RBM38: variants seen among roughly 807,000 people sequenced by gnomAD.
RBM38 encodes RNA binding motif protein 38, also known as RNA-binding protein 38.
Under a neutral mutation model 23.5 loss-of-function variants are expected in RBM38, and 11 were observed. The ratio of observed to expected loss-of-function variants is 0.47; its 90% CI spans 0.29 to 0.77. The LOEUF (loss-of-function observed/expected upper bound fraction) is 0.77. RBM38 is among the 30% of genes least tolerant of loss of function. The pLI, the probability that RBM38 is intolerant of heterozygous loss-of-function variation, is 0.08. For synonymous variants in RBM38, 165 were observed against 166.1 expected (o/e 0.99, Z 0.05); for missense variants, 330 against 351.9 (o/e 0.94, Z 0.50).
At chr20:57,395,280 A>G (rs936897934) in intron 3 of RBM38, among the ~76,000 whole-genome samples, 27 of 150,780 alleles carry the variant, frequency 1.8e-4, no homozygotes, top group African/African-American at 6.1e-4. Flanking sequence ...GACGTCCGGG[A>G]GGAGATTGGA....
At chr20:57,392,296 G>T in intron 1 of RBM38, 1 of 658,384 alleles carries the variant, frequency 1.5e-6, no homozygotes, top group Non-Finnish European at 2.4e-6. Context: ...GCATAGCGTC[G>T]CAAACTCCTT....
At chr20:57,396,933 C>A (rs974877159) in intron 3 of RBM38, among the ~76,000 whole-genome samples, 1 of 152,210 alleles carries the variant, frequency 6.6e-6, no homozygotes, top group Non-Finnish European at 1.5e-5. Context: ...TTCACAGAGG[C>A]CACAACAGGC....
rs2067395150 is a variant in RBM38, at chr20:57,407,273, G to C, written c.417-270G>C. ...TGCACCAGCTCCGGGGATGTGGGGT[G>C]TAGGGCTGGGATGCGGGGGTGCAGT... On this transcript the variant is annotated intron_variant, in intron 3 of 3. Coordinates refer to ENST00000356208, the MANE Select transcript of RBM38 (RefSeq NM_017495.6). This position sits in a 1 kb window ranked among gnomAD's most constrained non-coding sequence, Gnocchi z 4.0. Among the ~76,000 whole-genome samples, 1 of 152,194 alleles carries C rather than the reference G, an allele frequency of 6.6e-6. No homozygotes were observed. Among genetic ancestry groups the C allele is most frequent in the Non-Finnish European group, 1.5e-5 (1 of 68,022 alleles).
Position 57,407,678 on chromosome 20 carries a change from G to A in RBM38, c.552G>A (p.Pro184=), listed in dbSNP as rs773815904. Residue 184 remains proline, a synonymous_variant, in exon 4 of 4, where the codon CCG becomes CCA. Coordinates refer to ENST00000356208, the MANE Select transcript of RBM38 (RefSeq NM_017495.6). This position sits in a 1 kb window ranked among gnomAD's most constrained non-coding sequence, Gnocchi z 4.0. ...PASPAYAQYP[P]ATYDQYPYAA... ...GCCCGGCCTACGCCCAGTACCCACC[G>A]GCCACCTATGACCAGTACCCATACG... is the stretch of plus-strand genomic sequence containing the variant. The A allele has an allele frequency of 2.5e-5, 41 of 1,612,838 alleles. No individual in the cohort carries two copies. Among genetic ancestry groups the A allele is most frequent in the Non-Finnish European group, 3.1e-5 (37 of 1,179,720 alleles).
intron 3 of RBM38, among the ~76,000 whole-genome samples, chr20:57,397,046 C>G (rs937600777): frequency 2.6e-5 from 4 of 152,176 alleles, no homozygotes; most frequent in African/African-American, 9.7e-5. Context: ...GTGTCAGGTA[C>G]AGGCTGTATC....
intron 1 of RBM38, 61 bp from the exon 2 acceptor site, chr20:57,392,593 T>C: frequency 6.4e-7 from 1 of 1,556,300 alleles, no homozygotes; most frequent in Non-Finnish European, 8.7e-7. Flanking sequence ...GGCGGAGCCG[T>C]CTGCCCCTTT....
chr20:57,406,089 A>C (rs1300794996), intron 3 of RBM38, among the ~76,000 whole-genome samples: 1 of 152,140 alleles, frequency 6.6e-6, no homozygotes, highest in Admixed American at 6.5e-5. Flanking sequence ...AAGGCAGAGG[A>C]GATACTGATG....
At chr20:57,403,527 G>A (rs1436285768) in intron 3 of RBM38, among the ~76,000 whole-genome samples, 1 of 152,238 alleles carries the variant, frequency 6.6e-6, no homozygotes, top group Non-Finnish European at 1.5e-5. Context: ...AGGCCCCACT[G>A]TACCAGTCCC....
At chr20:57,393,571 C>G (rs144853961) in intron 3 of RBM38, among the ~76,000 whole-genome samples, 1 of 152,220 alleles carries the variant, frequency 6.6e-6, no homozygotes, top group Non-Finnish European at 1.5e-5. Context: ...CAGCTCCCTT[C>G]GCTAGGTGTG....
intron 3 of RBM38, among the ~76,000 whole-genome samples, chr20:57,402,197 G>A (rs892109663): frequency 5.9e-5 from 9 of 152,264 alleles, no homozygotes; most frequent in Non-Finnish European, 1.3e-4. Flanking sequence ...CGCCCGCCTC[G>A]GCCTCCCTAA....
At chr20:57,393,042 T>C (rs1464584051) in intron 2 of RBM38, 2 of 647,478 alleles carry the variant, frequency 3.1e-6, no homozygotes, top group African/African-American at 1.8e-5. Context: ...GAAGTGGCCA[T>C]GGGGCCTGGA....
chr20:57,403,120 A>G (rs2067346066), intron 3 of RBM38, among the ~76,000 whole-genome samples: 1 of 152,072 alleles, frequency 6.6e-6, no homozygotes, highest in African/African-American at 2.4e-5. Context: ...AGTTGTGACA[A>G]CTAGGACCGT....
At chr20:57,392,423 C>T (rs1255527280) in intron 1 of RBM38, 15 of 1,528,034 alleles carry the variant, frequency 9.8e-6, no homozygotes, top group Non-Finnish European at 1.3e-5. Context: ...TTGAAGGCCA[C>T]ATTTCCCAGG....
rs908832017 is a variant in RBM38, at chr20:57,407,862, C to T, written c.*16C>T. 29 of 1,538,596 alleles carry T rather than the reference C, an allele frequency of 1.9e-5. No individual in the cohort carries two copies. In the East Asian group the frequency reaches 3.9e-4, roughly 21 times the overall value. ...GATGCAGTGAGGGGCGTTCCTGCCC[C>T]GAGGACTGTGGCATTGTCACCTTCA... is the stretch of plus-strand genomic sequence containing the variant. On this transcript the variant is annotated 3_prime_UTR_variant, in exon 4 of 4. Transcript: ENST00000356208. The surrounding 1 kb of genome is among the most constrained non-coding windows in gnomAD (Gnocchi z 4.0).
intron 3 of RBM38, among the ~76,000 whole-genome samples, chr20:57,404,245 G>A (rs529975674): frequency 2.0e-5 from 3 of 152,344 alleles, no homozygotes; most frequent in East Asian, 1.9e-4. Context: ...TCTGGGCAGC[G>A]GTTCTTGAAT....
chr20:57,399,555 G>C (rs934174472), intron 3 of RBM38, among the ~76,000 whole-genome samples: 2 of 152,248 alleles, frequency 1.3e-5, no homozygotes, highest in Admixed American at 6.5e-5. Flanking sequence ...GGTGGAGGCA[G>C]CTGTGCAGTA....
chr20:57,393,070 C>T, intron 2 of RBM38: 1 of 643,450 alleles, frequency 1.6e-6, no homozygotes. Context: ...AGTGCCGACA[C>T]CAGTGGCTGC....
At chr20:57,400,160 G>C (rs1433156167) in intron 3 of RBM38, among the ~76,000 whole-genome samples, 1 of 152,188 alleles carries the variant, frequency 6.6e-6, no homozygotes, top group South Asian at 2.1e-4. Context: ...AGGCCGGAGG[G>C]GCTGAGTGAT....
At chr20:57,393,179 C>A in intron 2 of RBM38, 100 bp from the exon 3 acceptor site, 2 of 1,149,380 alleles carry the variant, frequency 1.7e-6, no homozygotes, top group Non-Finnish European at 2.6e-6. Flanking sequence ...TCCCTTTTGA[C>A]TAGAGGTGTG....
Sources: gnomAD v4.1 joint callset for allele counts (sites outside exome capture counted in the v4.1 genomes callset) on GRCh38, gnomAD v4.1.1 for gene constraint, Gnocchi (gnomAD v3.1) non-coding constraint, MANE v1.5 for transcripts, NCBI Gene and HGNC (gene_info 2026-07-23, HGNC 2026-07-21) for gene names.